NLGN1: variants seen among roughly 807,000 people sequenced by gnomAD.
NLGN1 encodes neuroligin 1, also known as neuroligin-1.
A neutral mutation model predicts 65.5 loss-of-function variants in NLGN1; 12 were observed. That is an observed-to-expected ratio of 0.18 (90% confidence interval 0.12 to 0.30). The LOEUF (loss-of-function observed/expected upper bound fraction) is 0.30. NLGN1 is among the 10% of genes least tolerant of loss of function. NLGN1 has a pLI of 1.00. For synonymous variants in NLGN1, 350 were observed against 359.5 expected (o/e 0.97, Z 0.30); for missense variants, 750 against 1,007.1 (o/e 0.74, Z 3.46).
chr3:173,966,916 A>G (rs1715003474), intron 4 of NLGN1, among the ~76,000 whole-genome samples: 1 of 152,214 alleles, frequency 6.6e-6, no homozygotes, highest in Admixed American at 6.5e-5. Context: ...AAAGGTCTAT[A>G]AATGATGACA....
intron 4 of NLGN1, among the ~76,000 whole-genome samples, chr3:174,194,453 A>G (rs527351229): frequency 5.0e-4 from 76 of 152,070 alleles, no homozygotes; most frequent in African/African-American, 1.7e-3. Context: ...GTCTCAAAAA[A>G]AAAAAAGAAA....
chr3:173,899,398 A>T (rs1736924209), intron 4 of NLGN1, among the ~76,000 whole-genome samples: 1 of 152,124 alleles, frequency 6.6e-6, no homozygotes, highest in South Asian at 2.1e-4. Context: ...ACATTTTTTA[A>T]TGAAACTTTA....
chr3:173,744,589 T>A (rs1775087943), intron 3 of NLGN1, among the ~76,000 whole-genome samples: 1 of 152,118 alleles, frequency 6.6e-6, no homozygotes, highest in African/African-American at 2.4e-5. Flanking sequence ...ATCCGAGAGA[T>A]AAGTAGGAGT....
chr3:174,059,761 A>G (rs539846483), intron 4 of NLGN1, among the ~76,000 whole-genome samples: 4 of 152,186 alleles, frequency 2.6e-5, no homozygotes, highest in South Asian at 4.1e-4. Context: ...GTTAAATGCT[A>G]TTACAAATTG....
chr3:173,989,407 C>A (rs1720622972), intron 4 of NLGN1, among the ~76,000 whole-genome samples: 1 of 152,194 alleles, frequency 6.6e-6, no homozygotes, highest in Admixed American at 6.5e-5. Context: ...CCATGGGCAA[C>A]ACTTGAATGT....
At chr3:173,808,852 G>T (rs960278342) in intron 4 of NLGN1, among the ~76,000 whole-genome samples, 1 of 151,992 alleles carries the variant, frequency 6.6e-6, no homozygotes, top group East Asian at 1.9e-4. Flanking sequence ...TCCTTCCTTG[G>T]TAGTATCATA....
At chr3:174,153,415 A>G (rs1724778998) in intron 4 of NLGN1, among the ~76,000 whole-genome samples, 1 of 152,120 alleles carries the variant, frequency 6.6e-6, no homozygotes, top group South Asian at 2.1e-4. Context: ...ACCTATAGGT[A>G]TAGACAGATG....
At chr3:174,080,601 G>T (rs542988900) in intron 4 of NLGN1, among the ~76,000 whole-genome samples, 5 of 152,150 alleles carry the variant, frequency 3.3e-5, no homozygotes, top group Admixed American at 2.6e-4. Context: ...TAATGGAGTC[G>T]TAGGTATGCT....
intron 4 of NLGN1, among the ~76,000 whole-genome samples, chr3:174,032,693 G>A (rs1202469762): frequency 1.3e-5 from 2 of 152,160 alleles, no homozygotes; most frequent in African/African-American, 4.8e-5. Context: ...GAAGAACCAA[G>A]AAAGTTGATG....
intron 4 of NLGN1, among the ~76,000 whole-genome samples, chr3:174,094,390 G>A (rs552469059): frequency 3.3e-5 from 5 of 151,696 alleles, no homozygotes; most frequent in South Asian, 2.1e-4. Context: ...CTGGTGGGCC[G>A]CATGTGACCT....
At chr3:173,906,890 A>C (rs2152206116) in intron 4 of NLGN1, among the ~76,000 whole-genome samples, 1 of 151,788 alleles carries the variant, frequency 6.6e-6, no homozygotes, top group African/African-American at 2.4e-5. Flanking sequence ...AAAAAAAAAA[A>C]AAAAAAAGAA....
chr3:173,549,738 A>G (rs1194735354), intron 2 of NLGN1, among the ~76,000 whole-genome samples: 1 of 152,062 alleles, frequency 6.6e-6, no homozygotes, highest in East Asian at 1.9e-4. Flanking sequence ...ATATTTCTGA[A>G]CCAAATTTAG....
At chr3:174,002,670 CA>C (rs1157508139) in intron 4 of NLGN1, among the ~76,000 whole-genome samples, 1 of 151,944 alleles carries the variant, frequency 6.6e-6, no homozygotes, top group African/African-American at 2.4e-5. Context: ...TGGAAACTGA[CA>C]AATGTTAAAA....
chr3:174,044,905 ACTT>A (rs1560911422), intron 4 of NLGN1, among the ~76,000 whole-genome samples: 1 of 152,042 alleles, frequency 6.6e-6, no homozygotes, highest in Non-Finnish European at 1.5e-5. Flanking sequence ...TTTGCTTGGC[ACTT>A]CTTCTTCCTG....
chr3:173,739,944 C>A (rs907068692), intron 3 of NLGN1, among the ~76,000 whole-genome samples: 2 of 152,066 alleles, frequency 1.3e-5, no homozygotes, highest in African/African-American at 2.4e-5. Flanking sequence ...ACTACTGATT[C>A]ATTTCCTAAC....
intron 4 of NLGN1, among the ~76,000 whole-genome samples, chr3:174,107,043 G>GAGAA (rs1456694610): frequency 6.7e-6 from 1 of 149,358 alleles, no homozygotes. Flanking sequence ...GAGAGAGAGA[G>GAGAA]AGAGAGAGAA....
intron 4 of NLGN1, among the ~76,000 whole-genome samples, chr3:174,225,027 C>T (rs1230885605): frequency 1.3e-5 from 2 of 152,138 alleles, no homozygotes; most frequent in Non-Finnish European, 2.9e-5. Context: ...TCCTTTCCCT[C>T]CTACTCTTCC....
At chr3:174,070,242 T>G (rs988448780) in intron 4 of NLGN1, among the ~76,000 whole-genome samples, 14 of 152,070 alleles carry the variant, frequency 9.2e-5, no homozygotes, top group South Asian at 4.1e-4. Flanking sequence ...ATTTTTCTAT[T>G]AAAATGAGAA....
chr3:173,663,219 A>G (rs965511760), intron 3 of NLGN1, among the ~76,000 whole-genome samples: 6 of 151,970 alleles, frequency 3.9e-5, no homozygotes, highest in Admixed American at 1.3e-4. Context: ...GTTTAGTTGT[A>G]TCTTCCTTTC....
Sources: gnomAD v4.1 joint callset for allele counts (sites outside exome capture counted in the v4.1 genomes callset) on GRCh38, gnomAD v4.1.1 for gene constraint, MANE v1.5 for transcripts, NCBI Gene and HGNC (gene_info 2026-07-23, HGNC 2026-07-21) for gene names.